The following SEMA5B variants were observed in gnomAD, a reference collection of about 807,000 sequenced individuals.
SEMA5B encodes the protein semaphorin-5B.
SEMA5B carries 66 observed loss-of-function variants against 135.0 expected under a neutral mutation model. That is an observed-to-expected ratio of 0.49 (90% CI 0.40 to 0.60). The LOEUF is 0.60. Among genes scored for constraint, SEMA5B ranks in the 20% least tolerant of loss-of-function variants. The probability of loss-of-function intolerance (pLI) is 0.00; values close to 1 mark genes in which losing one functional copy is unlikely to be tolerated. For synonymous variants in SEMA5B, 690 were observed against 639.5 expected (o/e 1.08, Z -1.19); for missense variants, 1,501 against 1,566.3 (o/e 0.96, Z 0.70).
chr3:122,917,244 A>G (rs772085011), intron 12 of SEMA5B, among the ~76,000 whole-genome samples: 1 of 152,218 alleles, frequency 6.6e-6, no homozygotes, highest in Non-Finnish European at 1.5e-5. Flanking sequence ...TGGAGAGAGC[A>G]CTAAGCATGG....
At chr3:122,911,633 C>A in intron 20 of SEMA5B, 98 bp from the exon 21 acceptor site, 5 of 1,297,196 alleles carry the variant, frequency 3.9e-6, no homozygotes, top group South Asian at 1.4e-5. Context: ...TAGGTCAACG[C>A]TCAGACGTAG....
chr3:122,977,917 A>T (rs1028995313), intron 1 of SEMA5B, among the ~76,000 whole-genome samples: 4 of 152,254 alleles, frequency 2.6e-5, no homozygotes, highest in Non-Finnish European at 5.9e-5. Context: ...GTTGTCACTC[A>T]ATAAATATTT....
chr3:122,998,973 T>C (rs1942098045), intron 1 of SEMA5B, among the ~76,000 whole-genome samples: 1 of 152,174 alleles, frequency 6.6e-6, no homozygotes, highest in South Asian at 2.1e-4. Context: ...CCCTTTCATG[T>C]TAGAAATGAG....
chr3:122,948,914 A>G lies in SEMA5B; in HGVS notation c.125-205T>C, dbSNP rs569503060. The stretch of plus-strand genomic sequence containing the variant: ...AATTTCCCTTGTAATAGCATTCTGT[A>G]CAAAACTGACAAATTATAGTGCCTT... On this transcript the variant is annotated intron_variant, in intron 2 of 22. Coordinates refer to ENST00000357599, the MANE Select transcript of SEMA5B (RefSeq NM_001031702.4). Among the ~76,000 whole-genome samples, 291 of 152,360 alleles carry G rather than the reference A, an allele frequency of 1.9e-3. 1 individual carries two copies. The highest frequency in any genetic ancestry group is 3.7e-3 in the Non-Finnish European group (253 of 68,036).
At position 122,948,362 on chromosome 3, in the gene SEMA5B, A is replaced by G. The variant is rs76621554; in HGVS notation, c.328+144T>C. On this transcript the variant is annotated intron_variant, in intron 3 of 22. Transcript: ENST00000357599. ...TTAAAACATCCAGCACCAGAGGAAG[A>G]GTCTCAGGACCCCGGGACGGGACCC... is the stretch of plus-strand genomic sequence containing the variant. 1,962 of 576,540 alleles carry G rather than the reference A, an allele frequency of 3.4e-3. 35 individuals are homozygous for G. The highest frequency in any genetic ancestry group is 0.033 in the Admixed American group (860 of 26,210). 35.7% of individuals were successfully genotyped at this position (576,540 alleles called of 1,614,324 possible). A position where few individuals can be genotyped will look rare whatever the true frequency, so the allele number is the denominator to read the frequency against.
Position 122,943,548 on chromosome 3 carries a change from G to A in SEMA5B, c.329-13C>T, listed in dbSNP as rs552294868. 5 of 1,580,822 alleles carry A rather than the reference G, an allele frequency of 3.2e-6. No individual in the cohort carries two copies. In the African/African-American group the frequency reaches 5.4e-5, roughly 17 times the overall value. ...CACGGCTGCAGGTCTGGTGGAGGGA[G>A]AGGCAACCCTGTGGTTACTGTTGGG... On this transcript the variant is annotated splice_polypyrimidine_tract_variant and intron_variant, in intron 3 of 22. Coordinates refer to ENST00000357599, the MANE Select transcript of SEMA5B (RefSeq NM_001031702.4).
intron 1 of SEMA5B, among the ~76,000 whole-genome samples, chr3:123,010,847 A>G (rs550714136): frequency 4.7e-5 from 7 of 150,098 alleles, no homozygotes; most frequent in Admixed American, 6.7e-5. Context: ...TCTCAATATC[A>G]TCATCATTTA....
chr3:123,001,884 G>A (rs1381424940), intron 1 of SEMA5B, among the ~76,000 whole-genome samples: 1 of 152,186 alleles, frequency 6.6e-6, no homozygotes, highest in African/African-American at 2.4e-5. Context: ...GCTGGGAGCT[G>A]CTCATTCCTC....
chr3:122,963,959 C>A (rs1940703150), intron 1 of SEMA5B, among the ~76,000 whole-genome samples: 1 of 152,046 alleles, frequency 6.6e-6, no homozygotes, highest in Non-Finnish European at 1.5e-5. Flanking sequence ...AGCCTCCCTC[C>A]CTCCCTCTCT....
intron 2 of SEMA5B, among the ~76,000 whole-genome samples, chr3:122,957,931 G>A (rs549996469): frequency 6.6e-6 from 1 of 152,236 alleles, no homozygotes; most frequent in Non-Finnish European, 1.5e-5. Context: ...GGTTTTCTGA[G>A]TTGGCTTCCT....
chr3:123,024,991 C>T (rs909270329), intron 1 of SEMA5B, among the ~76,000 whole-genome samples: 1 of 152,168 alleles, frequency 6.6e-6, no homozygotes, highest in Non-Finnish European at 1.5e-5. Flanking sequence ...TCTCCAGGGC[C>T]TCTCCCAGCT....
chr3:122,934,732 C>T (rs1241469356), intron 5 of SEMA5B, among the ~76,000 whole-genome samples: 3 of 151,702 alleles, frequency 2.0e-5, no homozygotes, highest in African/African-American at 4.8e-5. Context: ...AAAAAGAATC[C>T]CAGCCTGGTA....
chr3:122,995,999 A>G (rs1311444255), intron 1 of SEMA5B, among the ~76,000 whole-genome samples: 1 of 152,218 alleles, frequency 6.6e-6, no homozygotes, highest in Non-Finnish European at 1.5e-5. Flanking sequence ...GATGGCTTGG[A>G]GGTGCTCCGA....
chr3:122,936,807 G>A (rs1939311214), intron 5 of SEMA5B, among the ~76,000 whole-genome samples: 2 of 152,146 alleles, frequency 1.3e-5, no homozygotes, highest in Non-Finnish European at 2.9e-5. Flanking sequence ...CACACACACT[G>A]CCCCATCTGC....
chr3:122,914,939 C>T (rs1193974378), intron 14 of SEMA5B, among the ~76,000 whole-genome samples: 1 of 140,004 alleles, frequency 7.1e-6, no homozygotes, highest in Admixed American at 6.8e-5. Context: ...TAATGGAGTC[C>T]CCAGGTACCA....
intron 1 of SEMA5B, among the ~76,000 whole-genome samples, chr3:122,983,345 T>C (rs540087655): frequency 6.6e-6 from 1 of 152,320 alleles, no homozygotes; most frequent in African/African-American, 2.4e-5. Context: ...ACAATCTTTT[T>C]GCAGTCTAAC....
intron 1 of SEMA5B, among the ~76,000 whole-genome samples, chr3:123,020,563 C>T (rs1382216949): frequency 6.6e-6 from 1 of 152,156 alleles, no homozygotes; most frequent in Non-Finnish European, 1.5e-5. Flanking sequence ...TAGAAAGGAC[C>T]TGGCTGTTTA....
intron 2 of SEMA5B, among the ~76,000 whole-genome samples, chr3:122,950,675 T>C (rs1441910890): frequency 6.6e-6 from 1 of 152,264 alleles, no homozygotes; most frequent in Non-Finnish European, 1.5e-5. Flanking sequence ...TAAGTATCCA[T>C]CTGTGACAGA....
intron 3 of SEMA5B, 113 bp from the exon 4 acceptor site, chr3:122,943,648 A>T (rs530463131): frequency 4.9e-4 from 351 of 714,130 alleles, no homozygotes; most frequent in Non-Finnish European, 7.3e-4. Context: ...GGGCGGTGGC[A>T]CCCGGGAGAC....
Sources: allele counts gnomAD v4.1 joint callset (sites outside exome capture counted in the v4.1 genomes callset), GRCh38; gene constraint gnomAD v4.1.1; transcripts MANE v1.5; gene names NCBI Gene and HGNC (gene_info 2026-07-23, HGNC 2026-07-21).